AFAP1: variants seen among roughly 807,000 people sequenced by gnomAD.
The protein encoded by AFAP1 is actin filament-associated protein 1.
In AFAP1, 75 loss-of-function variants were observed where a neutral mutation model predicts 93.9. That is an observed-to-expected ratio of 0.80 (90% CI 0.66 to 0.97). AFAP1 has a LOEUF of 0.97. Among genes scored for constraint, AFAP1 ranks in the 50% least tolerant of loss-of-function variants. The probability of loss-of-function intolerance (pLI) is 0.00; values close to 1 mark genes in which losing one functional copy is unlikely to be tolerated. For missense variants in AFAP1, 1,201 were observed against 1,050.8 expected (o/e 1.14, Z -1.98); for synonymous variants, 517 against 430.7 (o/e 1.20, Z -2.48).
chr4:7,769,774 T>C (rs943734838), intron 16 of AFAP1, among the ~76,000 whole-genome samples: 14 of 152,256 alleles, frequency 9.2e-5, no homozygotes, highest in Admixed American at 7.8e-4. Context: ...ATATGGAATA[T>C]TGTTTTAGAA....
chr4:7,771,943 C>T (rs950614261), intron 16 of AFAP1, among the ~76,000 whole-genome samples: 1 of 152,098 alleles, frequency 6.6e-6, no homozygotes, highest in Non-Finnish European at 1.5e-5. Context: ...TAGGGGCCAG[C>T]AAGTGACTGA....
intron 1 of AFAP1, among the ~76,000 whole-genome samples, chr4:7,890,381 A>T (rs1286886354): frequency 6.6e-6 from 1 of 152,262 alleles, no homozygotes; most frequent in East Asian, 1.9e-4. Context: ...GAATTACCTT[A>T]AATAGATCAG....
intron 11 of AFAP1, among the ~76,000 whole-genome samples, chr4:7,793,245 T>C (rs559461923): frequency 6.6e-6 from 1 of 152,224 alleles, no homozygotes; most frequent in African/African-American, 2.4e-5. Flanking sequence ...ATTACAGCAA[T>C]ATGTAGAATC....
At chr4:7,855,725 G>T in intron 3 of AFAP1, 151 bp from the exon 4 acceptor site, 1 of 688,118 alleles carries the variant, frequency 1.5e-6, no homozygotes. Flanking sequence ...AGGCTTGGAA[G>T]GCCAGCCCTG....
rs1233322482 is a variant in AFAP1 at position 7,773,234 on chromosome 4, AGAG to A, written c.2063-227_2063-225del. 17 of 628,570 alleles carry A rather than the reference AGAG, an allele frequency of 2.7e-5. 1 individual carries two copies. Among genetic ancestry groups the A allele is most frequent in the South Asian group, 2.1e-4 (9 of 43,824 alleles). 38.9% of individuals were successfully genotyped at this position (628,570 alleles called of 1,614,324 possible). A position where few individuals can be genotyped will look rare whatever the true frequency, so the allele number is the denominator to read the frequency against. The stretch of plus-strand genomic sequence containing the variant: ...AGCCGTTGAGGACTCGGACCAGGAA[AGAG>A]GAGATGCTGATTCTGACGAAGGCCA... On this transcript the variant is annotated intron_variant, in intron 15 of 17. Transcript: ENST00000420658.
intron 1 of AFAP1, among the ~76,000 whole-genome samples, chr4:7,927,352 T>C (rs990693398): frequency 1.8e-4 from 28 of 152,328 alleles, no homozygotes; most frequent in African/African-American, 6.7e-4. Context: ...GGCTGTGTGA[T>C]GTTGGACAAC....
rs924368001 is a variant in AFAP1 at position 7,778,956 on chromosome 4, T to C, written c.1783-80A>G. Reference sequence around the variant, plus strand: ...TTGGTCTTTTTTTTTTCTGGAGTCATTTCTTTCAGTCTCTAAGTATTGTAG... The same window carrying C: ...TTGGTCTTTTTTTTTTCTGGAGTCACTTCTTTCAGTCTCTAAGTATTGTAG... On this transcript the variant is annotated intron_variant, in intron 13 of 17. Coordinates refer to ENST00000420658, the MANE Select transcript of AFAP1 (RefSeq NM_001134647.2). 2.5e-5 allele frequency: 27 copies of C among 1,076,260 alleles called. No individual in the cohort carries two copies. In the East Asian group the frequency reaches 2.6e-4, roughly 10 times the overall value. 66.7% of individuals were successfully genotyped at this position (1,076,260 alleles called of 1,614,324 possible).
chr4:7,920,487 G>A (rs1720379890), intron 1 of AFAP1, among the ~76,000 whole-genome samples: 1 of 152,160 alleles, frequency 6.6e-6, no homozygotes, highest in African/African-American at 2.4e-5. Context: ...TGGCCTTATG[G>A]GCAGTTTTTA....
At chr4:7,764,238 G>T (rs1174187331) in intron 17 of AFAP1, among the ~76,000 whole-genome samples, 2 of 152,232 alleles carry the variant, frequency 1.3e-5, no homozygotes, top group African/African-American at 4.8e-5. Context: ...ACCTGGAGAA[G>T]TCTAACAAGG....
In AFAP1 at chr4:7,871,974, C is replaced by G. The variant is rs775866336; in HGVS notation, c.105G>C (p.Leu35=). The G allele has an allele frequency of 2.5e-6, 4 of 1,614,176 alleles. No homozygotes were observed. In the Admixed American group the frequency reaches 5.0e-5, roughly 20 times the overall value. ...CACCTTTGGATGACTGTATTCTTAG[C>G]AGAATGTTGGTTATCACTGCCTTTT... is the stretch of plus-strand genomic sequence containing the variant. ...REKKAVITNI[L]LRIQSSKGFD... Residue 35 remains leucine (L), a synonymous_variant, in exon 2 of 18, where the codon CTG becomes CTC. Coordinates refer to ENST00000420658, the MANE Select transcript of AFAP1 (RefSeq NM_001134647.2).
intron 17 of AFAP1, among the ~76,000 whole-genome samples, chr4:7,765,586 A>T (rs112638462): frequency 1.3e-5 from 2 of 152,162 alleles, no homozygotes; most frequent in Non-Finnish European, 2.9e-5. Flanking sequence ...TGGTCTCTGG[A>T]GCTACGTGGA....
chr4:7,928,412 G>GTC (rs914085553), intron 1 of AFAP1, among the ~76,000 whole-genome samples: 4 of 151,958 alleles, frequency 2.6e-5, no homozygotes, highest in African/African-American at 7.3e-5. Flanking sequence ...TTTTGAGACA[G>GTC]TCTCTCTCTC....
At chr4:7,867,302 C>A (rs1716535712) in intron 3 of AFAP1, among the ~76,000 whole-genome samples, 1 of 152,156 alleles carries the variant, frequency 6.6e-6, no homozygotes, top group Admixed American at 6.5e-5. Flanking sequence ...ATATCCTAAG[C>A]ACTTGAGATA....
intron 16 of AFAP1, chr4:7,772,064 G>C (rs1451143611): frequency 6.6e-6 from 1 of 152,258 alleles, no homozygotes; most frequent in Non-Finnish European, 1.5e-5. Context: ...TTTTACTGAG[G>C]GGTTTGGAAA....
intron 12 of AFAP1, among the ~76,000 whole-genome samples, chr4:7,782,113 C>T (rs962191318): frequency 6.6e-6 from 1 of 152,186 alleles, no homozygotes; most frequent in Non-Finnish European, 1.5e-5. Context: ...GCAGAGCACC[C>T]GATGCTTTAC....
chr4:7,804,596 G>A (rs933155198), intron 9 of AFAP1, among the ~76,000 whole-genome samples: 14 of 152,306 alleles, frequency 9.2e-5, no homozygotes, highest in African/African-American at 3.4e-4. Flanking sequence ...GGCGTCGCGG[G>A]TCTCAGTGCC....
chr4:7,790,873 T>C (rs1230941284), intron 11 of AFAP1, among the ~76,000 whole-genome samples: 1 of 152,230 alleles, frequency 6.6e-6, no homozygotes, highest in Admixed American at 6.5e-5. Context: ...CCAGTATTAC[T>C]GGGGATTTTA....
intron 12 of AFAP1, among the ~76,000 whole-genome samples, chr4:7,784,867 C>T (rs968377468): frequency 1.3e-5 from 2 of 152,106 alleles, no homozygotes; most frequent in Non-Finnish European, 2.9e-5. Context: ...TATGAATTTA[C>T]GATGCCAGGG....
intron 10 of AFAP1, among the ~76,000 whole-genome samples, chr4:7,798,013 T>C (rs1457255879): frequency 6.6e-6 from 1 of 152,208 alleles, no homozygotes; most frequent in African/African-American, 2.4e-5. Flanking sequence ...AACTTTTCGG[T>C]AACTCTGAAA....
Sources: gnomAD v4.1 joint callset for allele counts (sites outside exome capture counted in the v4.1 genomes callset) on GRCh38, gnomAD v4.1.1 for gene constraint, MANE v1.5 for transcripts, NCBI Gene and HGNC (gene_info 2026-07-23, HGNC 2026-07-21) for gene names.